Variants in CTNNA1 observed in about 807,000 individuals in gnomAD.
The protein encoded by CTNNA1 is catenin alpha-1.
In CTNNA1, 37 loss-of-function variants were observed where a neutral mutation model predicts 98.4. The ratio of observed to expected loss-of-function variants is 0.38; its 90% CI spans 0.29 to 0.49. The LOEUF (loss-of-function observed/expected upper bound fraction) is 0.49, where lower values mean the gene tolerates loss of function less well. Among genes scored for constraint, CTNNA1 ranks in the 20% least tolerant of loss-of-function variants. The pLI is 0.95. For synonymous variants in CTNNA1, 404 were observed against 413.2 expected, an observed-to-expected ratio of 0.98 and a Z score of 0.27; for missense variants, 761 against 1,147.2, an observed-to-expected ratio of 0.66 and a Z score of 4.86.
chr5:138,766,870 T>C (rs145107553), intron 1 of CTNNA1, among the ~76,000 whole-genome samples: 1 of 151,882 alleles, frequency 6.6e-6, no homozygotes, highest in Non-Finnish European at 1.5e-5. Context: ...CGGGAAGAGG[T>C]GGGGTTTGCT....
intron 1 of CTNNA1, among the ~76,000 whole-genome samples, chr5:138,777,569 T>C (rs1754484164): frequency 6.6e-6 from 1 of 151,792 alleles, no homozygotes; most frequent in African/African-American, 2.4e-5. Context: ...CTGGGCACCA[T>C]TGAGCACTGA....
chr5:138,790,149 A>G (rs1174760930), intron 3 of CTNNA1, among the ~76,000 whole-genome samples: 1 of 152,232 alleles, frequency 6.6e-6, no homozygotes, highest in African/African-American at 2.4e-5. Flanking sequence ...GGAGCTGTGC[A>G]GGAAGGGACT....
intron 7 of CTNNA1, among the ~76,000 whole-genome samples, chr5:138,867,906 G>C (rs1764950771): frequency 6.6e-6 from 1 of 151,686 alleles, no homozygotes; most frequent in African/African-American, 2.4e-5. Flanking sequence ...CGCATACCAG[G>C]TTGCCTGGCT....
At chr5:138,837,531 T>TC (rs551423044) in intron 7 of CTNNA1, among the ~76,000 whole-genome samples, 25 of 89,290 alleles carry the variant, frequency 2.8e-4, no homozygotes, top group Middle Eastern at 7.6e-3. Context: ...CTCCCTCTCC[T>TC]CCCCCCCCTT....
chr5:138,894,898 C>G (rs1214987064), intron 9 of CTNNA1, among the ~76,000 whole-genome samples: 1 of 152,190 alleles, frequency 6.6e-6, no homozygotes, highest in East Asian at 1.9e-4. Flanking sequence ...CACCTGTGCC[C>G]TCTACCCACA....
Position 138,874,639 on chromosome 5 carries a change from A to G in CTNNA1, c.1063-11573A>G, listed in dbSNP as rs1382075499. On this transcript the variant is annotated intron_variant, in intron 7 of 17. Transcript: ENST00000302763. This position sits in a 1 kb window ranked among gnomAD's most constrained non-coding sequence, Gnocchi z 4.1. ...GGGCTATTTAAAAAAAACAACCACC[A>G]CCAACATTATAGCAAAAGATTTCAC... The G allele has an allele frequency of 1.1e-6, 1 of 874,052 alleles. No homozygotes were observed. The highest frequency in any genetic ancestry group is 1.7e-6 in the Non-Finnish European group (1 of 583,148). The allele number at this position is 874,052 out of a possible 1,614,324, so 54.1% of individuals were successfully genotyped here.
At position 138,815,049 on chromosome 5, in the gene CTNNA1, G is replaced by A. The variant is rs183606767; in HGVS notation, c.588+2747G>A. ...TTACAGGCATGAGCCACCACACTCT[G>A]TCTGGAATTTTGTATGCTATTCAAG... On this transcript the variant is annotated intron_variant, in intron 5 of 17. Transcript: ENST00000302763. Among the ~76,000 whole-genome samples, 1,029 of 152,270 alleles carry A rather than the reference G, an allele frequency of 6.8e-3. 7 individuals are homozygous for A. The highest frequency in any genetic ancestry group is 0.012 in the Admixed American group (189 of 15,284).
intron 10 of CTNNA1, among the ~76,000 whole-genome samples, chr5:138,915,863 G>C (rs1761614636): frequency 6.6e-6 from 1 of 152,064 alleles, no homozygotes; most frequent in African/African-American, 2.4e-5. Flanking sequence ...AGTGTGGCCA[G>C]CATGGTGAAA....
chr5:138,830,039 C>T (rs779015005), intron 7 of CTNNA1, among the ~76,000 whole-genome samples: 54 of 152,122 alleles, frequency 3.5e-4, no homozygotes, highest in South Asian at 2.1e-4. Flanking sequence ...TGGAGGCGGG[C>T]GCCTGTAGTC....
intron 7 of CTNNA1, among the ~76,000 whole-genome samples, chr5:138,837,618 T>A (rs2149808767): frequency 6.7e-6 from 1 of 148,584 alleles, no homozygotes; most frequent in East Asian, 2.0e-4. Flanking sequence ...TCTCCTCTTT[T>A]TGGTTTTGTT....
chr5:138,920,031 C>A (rs1385495632), intron 11 of CTNNA1, among the ~76,000 whole-genome samples: 1 of 131,992 alleles, frequency 7.6e-6, no homozygotes, highest in Non-Finnish European at 1.5e-5. Context: ...GGCTGGAGTG[C>A]AATGGTGGGA....
intron 5 of CTNNA1, among the ~76,000 whole-genome samples, chr5:138,813,968 A>G (rs1381345455): frequency 6.6e-6 from 1 of 152,154 alleles, no homozygotes; most frequent in Non-Finnish European, 1.5e-5. Context: ...GGGGCTTCTT[A>G]GTCATTTGGT....
intron 3 of CTNNA1, among the ~76,000 whole-genome samples, chr5:138,809,117 C>T (rs147408414): frequency 2.4e-4 from 36 of 152,192 alleles, no homozygotes; most frequent in East Asian, 2.3e-3. Context: ...CACAAAGCGC[C>T]GAGATTGCTG....
At chr5:138,881,034 G>C (rs747517201) in intron 7 of CTNNA1, 1 of 456,256 alleles carries the variant, frequency 2.2e-6, no homozygotes, top group South Asian at 1.5e-5. Flanking sequence ...ACTCTGTACG[G>C]TTTATAGCAG....
At chr5:138,924,050 C>T (rs1336941896) in intron 11 of CTNNA1, among the ~76,000 whole-genome samples, 1 of 152,340 alleles carries the variant, frequency 6.6e-6, no homozygotes, top group Admixed American at 6.5e-5. Flanking sequence ...GTACTGGCTT[C>T]TTGGTAGATT....
At chr5:138,856,666 CAT>C (rs1763758023) in intron 7 of CTNNA1, among the ~76,000 whole-genome samples, 1 of 152,240 alleles carries the variant, frequency 6.6e-6, no homozygotes, top group East Asian at 1.9e-4. Flanking sequence ...ATATTTGCAC[CAT>C]GTTAGGGAGC....
At chr5:138,891,633 G>T (rs1024487486) in intron 9 of CTNNA1, among the ~76,000 whole-genome samples, 2 of 152,144 alleles carry the variant, frequency 1.3e-5, no homozygotes, top group Non-Finnish European at 2.9e-5. Context: ...GGTGGCGGGT[G>T]CCTGTAATCC....
chr5:138,782,260 T>C, intron 2 of CTNNA1: 1 of 589,726 alleles, frequency 1.7e-6, no homozygotes. Context: ...TGGTATGTAG[T>C]GCAACTTTGC....
intron 3 of CTNNA1, among the ~76,000 whole-genome samples, chr5:138,792,690 G>A (rs1181805934): frequency 6.6e-6 from 1 of 152,082 alleles, no homozygotes; most frequent in Non-Finnish European, 1.5e-5. Context: ...TCTCACATAT[G>A]GGCTCTTTAA....
Sources: gnomAD v4.1 joint callset for allele counts (sites outside exome capture counted in the v4.1 genomes callset) on GRCh38, gnomAD v4.1.1 for gene constraint, Gnocchi (gnomAD v3.1) non-coding constraint, MANE v1.5 for transcripts, NCBI Gene and HGNC (gene_info 2026-07-23, HGNC 2026-07-21) for gene names.